PHETA2: variants seen among roughly 807,000 people sequenced by gnomAD.
PHETA2 encodes PH domain containing endocytic trafficking adaptor 2.
For synonymous variants in PHETA2, 133 were observed against 142.9 expected (o/e 0.93, Z 0.50); for missense variants, 321 against 341.3 (o/e 0.94, Z 0.47).
chr22:42,074,981 G>C (rs1246610009), intron 1 of PHETA2, among the ~76,000 whole-genome samples: 1 of 152,230 alleles, frequency 6.6e-6, no homozygotes, highest in Non-Finnish European at 1.5e-5. Flanking sequence ...GAGGGCGGGA[G>C]ACTTCGATTT....
At position 42,077,630 on chromosome 22, in the gene PHETA2, G is replaced by T. The variant is rs748467232; in HGVS notation, c.337G>T (p.Val113Leu). 6.2e-7 allele frequency: 1 copy of T among 1,614,116 alleles called. No individual in the cohort carries two copies. Reference protein sequence around the residue: ...AEGPAAQEAWVKVLSRASFGY... With the variant: ...AEGPAAQEAWLKVLSRASFGY... ...AGGGCCGGCGGCCCAGGAGGCCTGG[G>T]TGAAGGTGCTGTCCCGGGCAAGCTT... The change falls in exon 3 of 3, where the codon GTG (valine) becomes TTG (leucine). Residue 113 changes from valine to leucine, a missense_variant. Physicochemically the swap from Val to Leu is conservative, Grantham distance 32. Transcript: ENST00000321753.
At position 42,078,432 on chromosome 22, in the gene PHETA2, C is replaced by T. The variant is rs2146856316; in HGVS notation, c.*359C>T. 7.7e-6 allele frequency: 2 copies of T among 258,120 alleles called. No individual in the cohort carries two copies. The highest frequency in any genetic ancestry group is 1.6e-5 in the Non-Finnish European group (2 of 127,226). The allele number at this position is 258,120 out of a possible 1,614,324, so 16.0% of individuals were successfully genotyped here. Reference sequence around the variant, plus strand: ...CTTGCCATACCTTTGGCCTACACACCGGGCTCTAGAGCCATAATTTCCAAC... The same window carrying T: ...CTTGCCATACCTTTGGCCTACACACTGGGCTCTAGAGCCATAATTTCCAAC... On this transcript the variant is annotated 3_prime_UTR_variant, in exon 3 of 3. Transcript: ENST00000321753.
intron 2 of PHETA2, chr22:42,076,038 T>C (rs949936296): frequency 7.9e-5 from 15 of 190,640 alleles, no homozygotes; most frequent in Non-Finnish European, 1.4e-4. Context: ...TTTTTCTTTT[T>C]TTTTCTTTTC....
chr22:42,077,999 G>A lies in PHETA2; in HGVS notation c.706G>A (p.Val236Met), dbSNP rs139658669. Residue 236 changes from valine (V) to methionine (M), a missense_variant, in exon 3 of 3, where the codon GTG (valine) becomes ATG (methionine). Transcript: ENST00000321753. ...TLHDWYGQEI[V>M]ELRQCWQKRA... ...GCATGACTGGTATGGCCAGGAGATCGTGGAGCTGCGGCAGTGTTGGCAGAA... is the reference window on the plus strand; with the variant it reads ...GCATGACTGGTATGGCCAGGAGATCATGGAGCTGCGGCAGTGTTGGCAGAA... 1.4e-4 allele frequency: 218 copies of A among 1,611,504 alleles called. No homozygotes were observed. The African/African-American group carries it at 2.4e-3, about 18-fold the overall frequency.
At chr22:42,076,469 G>A (rs927200620) in intron 2 of PHETA2, among the ~76,000 whole-genome samples, 17 of 151,962 alleles carry the variant, frequency 1.1e-4, no homozygotes, top group African/African-American at 3.4e-4. Context: ...GCTAATTTTT[G>A]TATTTAGAGA....
In PHETA2 at chr22:42,078,672, A is replaced by ATTCTGC. The variant is rs3833390; in HGVS notation, c.*601_*606dup. 58,577 of 166,950 alleles carry ATTCTGC rather than the reference A, an allele frequency of 0.35. 10,446 individuals carry two copies. The highest frequency in any genetic ancestry group is 0.5 in the Middle Eastern group (148 of 298). The allele number at this position is 166,950 out of a possible 1,614,324, so 10.3% of individuals were successfully genotyped here. A position where few individuals can be genotyped will look rare whatever the true frequency, so the allele number is the denominator to read the frequency against. ...GTCTTCGGCCAGTGAAGAGAGATTT[A>ATTCTGC]TTCTGCTCAGAGTGCTGGGGTCCCA... is the stretch of plus-strand genomic sequence containing the variant. On this transcript the variant is annotated 3_prime_UTR_variant, in exon 3 of 3. Coordinates refer to ENST00000321753, the MANE Select transcript of PHETA2 (RefSeq NM_001002034.3).
Position 42,079,104 on chromosome 22 carries a change from G to C in PHETA2, c.*1031G>C, listed in dbSNP as rs894870777. 8 of 167,220 alleles carry C rather than the reference G, an allele frequency of 4.8e-5. No homozygotes were observed. The highest frequency in any genetic ancestry group is 1.9e-4 in the African/African-American group (8 of 41,452). The allele number at this position is 167,220 out of a possible 1,614,324, so 10.4% of individuals were successfully genotyped here. Reference sequence around the variant, plus strand: ...CAAAGCGGCTGGGTCACCAGAGCCTGACCATACTGACGCTCCAGGGGGAAG... The same window carrying C: ...CAAAGCGGCTGGGTCACCAGAGCCTCACCATACTGACGCTCCAGGGGGAAG... On this transcript the variant is annotated 3_prime_UTR_variant, in exon 3 of 3. Coordinates refer to ENST00000321753, the MANE Select transcript of PHETA2 (RefSeq NM_001002034.3).
Position 42,079,433 on chromosome 22 carries a change from T to G in PHETA2, c.*1360T>G. Reference sequence around the variant, plus strand: ...TTAAAACACTAGTAAAGCTTTTTCGTTATTACTCCTTCCGCTCCCTGGGTT... The same window carrying G: ...TTAAAACACTAGTAAAGCTTTTTCGGTATTACTCCTTCCGCTCCCTGGGTT... On this transcript the variant is annotated 3_prime_UTR_variant, in exon 3 of 3. Transcript: ENST00000321753. 2.9e-6 allele frequency: 1 copy of G among 350,072 alleles called. No individual in the cohort carries two copies. The highest frequency in any genetic ancestry group is 5.5e-6 in the Non-Finnish European group (1 of 183,282). 21.7% of individuals were successfully genotyped at this position (350,072 alleles called of 1,614,324 possible). A position where few individuals can be genotyped will look rare whatever the true frequency, so the allele number is the denominator to read the frequency against.
chr22:42,077,962 C>T lies in PHETA2; in HGVS notation c.669C>T (p.Cys223=). Reference sequence around the variant, plus strand: ...GCCCTGTGTCCCCTGAGACCTCCTGCTTCTCTACCCTGCATGACTGGTATG... The same window carrying T: ...GCCCTGTGTCCCCTGAGACCTCCTGTTTCTCTACCCTGCATGACTGGTATG... ...GQSPVSPETS[C]FSTLHDWYGQ... Residue 223 remains cysteine, a synonymous_variant, in exon 3 of 3, where the codon TGC becomes TGT. Transcript: ENST00000321753. 6.2e-7 allele frequency: 1 copy of T among 1,611,398 alleles called. No homozygotes were observed. Among genetic ancestry groups the T allele is most frequent in the Non-Finnish European group, 8.5e-7 (1 of 1,178,908 alleles).
chr22:42,075,031 T>C lies in PHETA2; in HGVS notation c.-96-540T>C, dbSNP rs1418962192. ...CCCCATTAATTCAACAGATCCCTCC[T>C]GAGGGCCTCTCTGAGCCCTGCACGG... On this transcript the variant is annotated intron_variant, in intron 1 of 2. Coordinates refer to ENST00000321753, the MANE Select transcript of PHETA2 (RefSeq NM_001002034.3). This position sits in a 1 kb window ranked among gnomAD's most constrained non-coding sequence, Gnocchi z 4.8. 6.6e-6 allele frequency among the ~76,000 whole-genome samples: 1 copy of C among 152,198 alleles called. No homozygotes were observed. Among genetic ancestry groups the C allele is most frequent in the Non-Finnish European group, 1.5e-5 (1 of 68,030 alleles).
Position 42,077,634 on chromosome 22 carries a change from A to G in PHETA2, c.341A>G (p.Lys114Arg). The G allele has an allele frequency of 6.2e-7, 1 of 1,614,118 alleles. No individual in the cohort carries two copies. The highest frequency in any genetic ancestry group is 1.1e-5 in the South Asian group (1 of 91,082). ...EGPAAQEAWV[K>R]VLSRASFGYM... ...CCGGCGGCCCAGGAGGCCTGGGTGA[A>G]GGTGCTGTCCCGGGCAAGCTTTGGC... The change falls in exon 3 of 3, where the codon AAG (lysine) becomes AGG (arginine). Residue 114 changes from lysine to arginine, a missense_variant. Lys to Arg is a conservative substitution (Grantham distance 26). Transcript: ENST00000321753.
intron 2 of PHETA2, among the ~76,000 whole-genome samples, chr22:42,076,915 G>A (rs1055095213): frequency 6.6e-6 from 1 of 152,144 alleles, no homozygotes; most frequent in Non-Finnish European, 1.5e-5. Flanking sequence ...TGAGGGGATA[G>A]TTTAAGCACA....
Position 42,077,995 on chromosome 22 carries a change from G to A in PHETA2, c.702G>A (p.Glu234=), listed in dbSNP as rs1396706209. The change falls in exon 3 of 3, where the codon GAG becomes GAA. Residue 234 remains glutamate, a synonymous_variant. Transcript: ENST00000321753. ...CCCTGCATGACTGGTATGGCCAGGA[G>A]ATCGTGGAGCTGCGGCAGTGTTGGC... ...FSTLHDWYGQ[E]IVELRQCWQK... 2 of 1,611,840 alleles carry A rather than the reference G, an allele frequency of 1.2e-6. No individual in the cohort carries two copies. Among genetic ancestry groups the A allele is most frequent in the African/African-American group, 2.7e-5 (2 of 75,052 alleles).
chr22:42,076,929 GT>G (rs1425769223), intron 2 of PHETA2, among the ~76,000 whole-genome samples: 2 of 152,088 alleles, frequency 1.3e-5, no homozygotes, highest in Non-Finnish European at 2.9e-5. Context: ...AAGCACAGTG[GT>G]TTCGATGGGT....
In PHETA2 at chr22:42,079,413, A is replaced by T; in HGVS notation, c.*1340A>T. 3.4e-6 allele frequency: 1 copy of T among 294,254 alleles called. No individual in the cohort carries two copies. Among genetic ancestry groups the T allele is most frequent in the Non-Finnish European group, 6.7e-6 (1 of 148,682 alleles). The allele number at this position is 294,254 out of a possible 1,614,324, so 18.2% of individuals were successfully genotyped here. ...CTACAGTGTTTTGTACACGGTTAAA[A>T]CACTAGTAAAGCTTTTTCGTTATTA... On this transcript the variant is annotated 3_prime_UTR_variant, in exon 3 of 3. Coordinates refer to ENST00000321753, the MANE Select transcript of PHETA2 (RefSeq NM_001002034.3).
At position 42,074,470 on chromosome 22, in the gene PHETA2, G is replaced by A. The variant is rs986037139; in HGVS notation, c.-97+129G>A. The A allele has an allele frequency of 2.6e-5, 4 of 152,346 alleles. No homozygotes were observed. In the East Asian group the frequency reaches 5.8e-4, roughly 22 times the overall value. 9.4% of individuals were successfully genotyped at this position (152,346 alleles called of 1,614,324 possible). On this transcript the variant is annotated intron_variant, in intron 1 of 2. Coordinates refer to ENST00000321753, the MANE Select transcript of PHETA2 (RefSeq NM_001002034.3). ...GGCGGCAGCCAGGGAGACCCTGACC[G>A]AGGTGACCTCTGTTTAGGGCGACAA...
chr22:42,077,547 T>C lies in PHETA2; in HGVS notation c.254T>C (p.Phe85Ser). ...GCCGAGGCTCCCGTGCCCGAGGAGT[T>C]TGCCTTTGCCATCTGCTTTGATGCC... is the stretch of plus-strand genomic sequence containing the variant. The part of the protein sequence containing the change: ...ELAEAPVPEE[F>S]AFAICFDAPG... Residue 85 changes from phenylalanine (F) to serine (S), a missense_variant, in exon 3 of 3, where the codon TTT becomes TCT. Coordinates refer to ENST00000321753, the MANE Select transcript of PHETA2 (RefSeq NM_001002034.3). 6.2e-7 allele frequency: 1 copy of C among 1,614,136 alleles called. No homozygotes were observed. Among genetic ancestry groups the C allele is most frequent in the South Asian group, 1.1e-5 (1 of 91,084 alleles).
In PHETA2 at chr22:42,077,847, T is replaced by C. The variant is rs1927369278; in HGVS notation, c.554T>C (p.Val185Ala). The C allele has an allele frequency of 2.5e-6, 4 of 1,613,254 alleles. No homozygotes were observed. Among genetic ancestry groups the C allele is most frequent in the Admixed American group, 1.7e-5 (1 of 59,966 alleles). Residue 185 changes from valine to alanine, a missense_variant, in exon 3 of 3, where the codon GTT becomes GCT. Transcript: ENST00000321753. ...LSKDSSPVGL[V>A]EEAGSRSAGW... ...AAGGACAGCAGCCCTGTGGGCTTGG[T>C]TGAAGAAGCGGGCAGCAGGTCTGCA...
In PHETA2 at chr22:42,074,732, G is replaced by A. The variant is rs78725400; in HGVS notation, c.-97+391G>A. Among the ~76,000 whole-genome samples, 4,531 of 152,042 alleles carry A rather than the reference G, an allele frequency of 0.03. 709 individuals are homozygous for A. In the East Asian group the frequency reaches 0.51, roughly 17 times the overall value. ...TCCCTGTGCCCCAGTGCTGGGCCCA[G>A]GACCCCCAGTGAGGCCACTCCTCTG... On this transcript the variant is annotated intron_variant, in intron 1 of 2. Coordinates refer to ENST00000321753, the MANE Select transcript of PHETA2 (RefSeq NM_001002034.3).
Sources: gnomAD v4.1 joint callset for allele counts (sites outside exome capture counted in the v4.1 genomes callset) on GRCh38, gnomAD v4.1.1 for gene constraint, Gnocchi (gnomAD v3.1) non-coding constraint, MANE v1.5 for transcripts, NCBI Gene and HGNC (gene_info 2026-07-23, HGNC 2026-07-21) for gene names.